Variants in CARS1 observed in about 807,000 individuals in gnomAD.
CARS1 encodes cysteine--tRNA ligase, cytoplasmic.
In CARS1, 48 loss-of-function variants were observed where a neutral mutation model predicts 106.2. That is an observed-to-expected ratio of 0.45 (90% CI 0.36 to 0.57). The LOEUF is 0.57. Among genes scored for constraint, CARS1 ranks in the 20% least tolerant of loss-of-function variants. The pLI, the probability that CARS1 is intolerant of heterozygous loss-of-function variation, is 0.00. For synonymous variants in CARS1, 409 were observed against 403.4 expected (o/e 1.01, Z -0.17); for missense variants, 968 against 1,057.2 (o/e 0.92, Z 1.17).
chr11:3,013,617 G>A (rs1190342848), intron 17 of CARS1, among the ~76,000 whole-genome samples: 2 of 152,020 alleles, frequency 1.3e-5, no homozygotes, highest in Non-Finnish European at 1.5e-5. Flanking sequence ...TTGGGAGGGC[G>A]AAGTGGGTGG....
At position 3,040,884 on chromosome 11, in the gene CARS1, C is replaced by T. The variant is rs200007520; in HGVS notation, c.455+12G>A. 13 of 1,612,972 alleles carry T rather than the reference C, an allele frequency of 8.1e-6. No individual in the cohort carries two copies. The East Asian group carries it at 2.0e-4, about 25-fold the overall frequency. On this transcript the variant is annotated intron_variant, in intron 4 of 22. Transcript: ENST00000380525. The surrounding 1 kb of genome is among the most constrained non-coding windows in gnomAD (Gnocchi z 5.8). ...CTGCAGAAGCTGCAGGGACACCCCG[C>T]GGTGGACCTACCTGGCGTGCCCCAT...
At chr11:3,031,204 C>G (rs1485499892) in intron 7 of CARS1, 3 of 152,016 alleles carry the variant, frequency 2.0e-5, no homozygotes, top group African/African-American at 7.2e-5. Flanking sequence ...TGTGAAATAG[C>G]AGAAAACTGA....
At chr11:3,011,904 T>C (rs1210968841) in intron 18 of CARS1, among the ~76,000 whole-genome samples, 4 of 152,100 alleles carry the variant, frequency 2.6e-5, no homozygotes, top group Non-Finnish European at 5.9e-5. Flanking sequence ...GAGAGGCAAA[T>C]CAACCCTGGC....
At position 3,020,039 on chromosome 11, in the gene CARS1, T is replaced by C. The variant is rs1851427573; in HGVS notation, c.1266+181A>G. 6.6e-6 allele frequency among the ~76,000 whole-genome samples: 1 copy of C among 152,192 alleles called. No individual in the cohort carries two copies. Among genetic ancestry groups the C allele is most frequent in the African/African-American group, 2.4e-5 (1 of 41,452 alleles). ...GGAGGGAAGTGATTTGTCCAGAGAC[T>C]CAGGGAGTCTCCATGATGTCCAGGT... On this transcript the variant is annotated intron_variant, in intron 11 of 22. Transcript: ENST00000380525. The surrounding 1 kb of genome is among the most constrained non-coding windows in gnomAD (Gnocchi z 4.6).
chr11:3,029,159 A>T lies in CARS1; in HGVS notation c.943-75T>A, dbSNP rs1353693529. ...CGCTCCATAAAAACGTTCCCAATTC[A>T]TAAAACGAAAAGCCCATTATGCCCC... On this transcript the variant is annotated intron_variant, in intron 8 of 22. Coordinates refer to ENST00000380525, the MANE Select transcript of CARS1 (RefSeq NM_001014437.3). The surrounding 1 kb of genome is among the most constrained non-coding windows in gnomAD (Gnocchi z 5.9). 10 of 1,444,920 alleles carry T rather than the reference A, an allele frequency of 6.9e-6. No individual in the cohort carries two copies. In the Admixed American group the frequency reaches 1.7e-4, roughly 25 times the overall value. 89.5% of individuals were successfully genotyped at this position (1,444,920 alleles called of 1,614,324 possible).
chr11:3,032,322 C>T (rs547403007), intron 7 of CARS1, among the ~76,000 whole-genome samples: 1 of 152,020 alleles, frequency 6.6e-6, no homozygotes, highest in Non-Finnish European at 1.5e-5. Context: ...CTGCCCATCT[C>T]GGCCTCCCAA....
chr11:3,040,395 C>T lies in CARS1; in HGVS notation c.456-464G>A. 2.5e-6 allele frequency: 1 copy of T among 394,470 alleles called. No homozygotes were observed. Among genetic ancestry groups the T allele is most frequent in the South Asian group, 1.9e-5 (1 of 52,934 alleles). The allele number at this position is 394,470 out of a possible 1,614,324, so 24.4% of individuals were successfully genotyped here. ...TTGTTCAAGGGTTGACTATACATGA[C>T]CTTGGCACTGCAACTAAAACATGAA... On this transcript the variant is annotated intron_variant, in intron 4 of 22. Coordinates refer to ENST00000380525, the MANE Select transcript of CARS1 (RefSeq NM_001014437.3). The surrounding 1 kb of genome is among the most constrained non-coding windows in gnomAD (Gnocchi z 5.8).
chr11:3,033,420 GA>G (rs1402455926), intron 7 of CARS1, among the ~76,000 whole-genome samples: 1 of 152,086 alleles, frequency 6.6e-6, no homozygotes, highest in African/African-American at 2.4e-5. Context: ...AAGTTAATAT[GA>G]AAAAGTACCA....
intron 7 of CARS1, among the ~76,000 whole-genome samples, chr11:3,033,311 C>T (rs1423866433): frequency 6.6e-6 from 1 of 152,130 alleles, no homozygotes; most frequent in African/African-American, 2.4e-5. Flanking sequence ...GAAACCAGCA[C>T]ACACAGGGGC....
In CARS1 at chr11:3,037,912, G is replaced by A. The variant is rs1025593255; in HGVS notation, c.801+138C>T. ...CAGCCACCGCAGAACAGGGCCGCCT[G>A]CCACAGTGGAGCTACTGGAGACACA... On this transcript the variant is annotated intron_variant, in intron 7 of 22. Transcript: ENST00000380525. The surrounding 1 kb of genome is among the most constrained non-coding windows in gnomAD (Gnocchi z 5.9). 6.5e-5 allele frequency: 55 copies of A among 850,166 alleles called. No homozygotes were observed. Among genetic ancestry groups the A allele is most frequent in the Admixed American group, 1.6e-4 (6 of 37,652 alleles). The allele number at this position is 850,166 out of a possible 1,614,324, so 52.7% of individuals were successfully genotyped here.
At chr11:3,042,480 A>G (rs1426851861) in intron 2 of CARS1, 2 of 536,342 alleles carry the variant, frequency 3.7e-6, no homozygotes, top group Non-Finnish European at 3.3e-6. Context: ...GCCAGAGTGC[A>G]GTGGTGTGAT....
intron 17 of CARS1, among the ~76,000 whole-genome samples, 154 bp from the exon 18 acceptor site, chr11:3,012,430 C>T (rs1226289778): frequency 1.3e-5 from 2 of 152,232 alleles, no homozygotes; most frequent in Admixed American, 6.5e-5. Context: ...AGAGCCTGGA[C>T]GCTCTCGTCC....
intron 17 of CARS1, among the ~76,000 whole-genome samples, chr11:3,012,878 A>AT (rs952845700): frequency 4.5e-5 from 6 of 134,692 alleles, no homozygotes; most frequent in African/African-American, 1.7e-4. Flanking sequence ...TTTCTACTAT[A>AT]TTTCCCTTTT....
intron 19 of CARS1, among the ~76,000 whole-genome samples, chr11:3,006,111 A>C (rs906064664): frequency 1.3e-5 from 2 of 152,224 alleles, no homozygotes; most frequent in Admixed American, 6.5e-5. Context: ...ATACGCATGT[A>C]TCCAAATATC....
intron 10 of CARS1, among the ~76,000 whole-genome samples, chr11:3,026,127 GGGAGCTAAAAAAC>G (rs1852048831): frequency 6.6e-6 from 1 of 152,168 alleles, no homozygotes; most frequent in Non-Finnish European, 1.5e-5. Flanking sequence ...TCTCTTATGT[GGGAGCTAAAAAAC>G]GGTGGACCTC....
rs1855883921 is a variant in CARS1 at position 3,053,356 on chromosome 11, G to A, written c.25+3987C>T. 6.6e-6 allele frequency among the ~76,000 whole-genome samples: 1 copy of A among 151,926 alleles called. No homozygotes were observed. The highest frequency in any genetic ancestry group is 1.5e-5 in the Non-Finnish European group (1 of 67,980). On this transcript the variant is annotated intron_variant, in intron 1 of 22. Transcript: ENST00000380525. The surrounding 1 kb of genome is among the most constrained non-coding windows in gnomAD (Gnocchi z 6.6). ...AGCGATTCTCCTGCCTCAGCCTCCC[G>A]AGTAGCTGGGATTACAGGTGCCCGC...
chr11:3,039,738 G>T lies in CARS1; in HGVS notation c.552+97C>A. 1 of 617,134 alleles carries T rather than the reference G, an allele frequency of 1.6e-6. No homozygotes were observed. The highest frequency in any genetic ancestry group is 2.8e-6 in the Non-Finnish European group (1 of 356,398). The allele number at this position is 617,134 out of a possible 1,614,324, so 38.2% of individuals were successfully genotyped here. On this transcript the variant is annotated intron_variant, in intron 5 of 22. Transcript: ENST00000380525. The surrounding 1 kb of genome is among the most constrained non-coding windows in gnomAD (Gnocchi z 5.6). ...TGATGTTTATCAGGTGAAAACACAA[G>T]CTAGCTCAAGCCTACATTATTTACT...
chr11:3,038,812 A>T lies in CARS1; in HGVS notation c.651+382T>A, dbSNP rs958382642. ...GAAAATTTACAGTATTACCAAATTA[A>T]AAAGCTTAGTATAGCTTTTGTATCT... On this transcript the variant is annotated intron_variant, in intron 6 of 22. Transcript: ENST00000380525. The surrounding 1 kb of genome is among the most constrained non-coding windows in gnomAD (Gnocchi z 4.0). Among the ~76,000 whole-genome samples, 2 of 152,280 alleles carry T rather than the reference A, an allele frequency of 1.3e-5. No homozygotes were observed. Among genetic ancestry groups the T allele is most frequent in the African/African-American group, 2.4e-5 (1 of 41,480 alleles).
chr11:3,023,928 T>C (rs1851806002), intron 10 of CARS1, among the ~76,000 whole-genome samples: 1 of 152,216 alleles, frequency 6.6e-6, no homozygotes, highest in Non-Finnish European at 1.5e-5. Context: ...ACTCTTGCTC[T>C]GTCACCCAGG....
Sources: allele counts gnomAD v4.1 joint callset (sites outside exome capture counted in the v4.1 genomes callset), GRCh38; gene constraint gnomAD v4.1.1; non-coding constraint Gnocchi (gnomAD v3.1); transcripts MANE v1.5; gene names NCBI Gene and HGNC (gene_info 2026-07-23, HGNC 2026-07-21).